The following LRRIQ3 variants were observed in gnomAD, a reference collection of about 807,000 sequenced individuals.
LRRIQ3 encodes the protein leucine rich repeats and IQ motif containing 3.
In LRRIQ3, 75 loss-of-function variants were observed where a neutral mutation model predicts 59.3. The observed-to-expected ratio is 1.26, with a 90% CI of 1.05 to 1.53. The LOEUF (loss-of-function observed/expected upper bound fraction) is 1.53, where lower values mean the gene tolerates loss of function less well. LRRIQ3 is among the 40% of genes most tolerant of loss of function. LRRIQ3 has a pLI of 0.00. For synonymous variants in LRRIQ3, 250 were observed against 231.3 expected (o/e 1.08, Z -0.73); for missense variants, 831 against 710.0 (o/e 1.17, Z -1.94).
intron 3 of LRRIQ3, among the ~76,000 whole-genome samples, chr1:74,168,557 G>A (rs1357045837): frequency 2.0e-5 from 3 of 151,842 alleles, no homozygotes; most frequent in Non-Finnish European, 4.4e-5. Context: ...TCTTATAACT[G>A]GCATATTTAG....
intron 7 of LRRIQ3, among the ~76,000 whole-genome samples, chr1:74,034,640 AC>A (rs1389414850): frequency 7.2e-6 from 1 of 139,554 alleles, no homozygotes; most frequent in Non-Finnish European, 1.5e-5. Context: ...ACACAGACAC[AC>A]ACACACACAC....
At chr1:74,150,646 T>C (rs147444162) in intron 4 of LRRIQ3, among the ~76,000 whole-genome samples, 2 of 152,270 alleles carry the variant, frequency 1.3e-5, no homozygotes, top group African/African-American at 4.8e-5. Flanking sequence ...ACATTAACAT[T>C]ACCTGCAAAA....
chr1:74,049,677 T>C (rs1282372899), intron 6 of LRRIQ3, among the ~76,000 whole-genome samples: 1 of 152,180 alleles, frequency 6.6e-6, no homozygotes, highest in Non-Finnish European at 1.5e-5. Flanking sequence ...TTTTTATATG[T>C]ATTACTGTTT....
At chr1:74,061,952 T>G (rs1258576662) in intron 6 of LRRIQ3, among the ~76,000 whole-genome samples, 1 of 152,128 alleles carries the variant, frequency 6.6e-6, no homozygotes, top group Admixed American at 6.6e-5. Flanking sequence ...CAGGATTCCT[T>G]GAGCCTGGGA....
chr1:74,108,942 G>T (rs771241329), intron 5 of LRRIQ3: 1 of 362,048 alleles, frequency 2.8e-6, no homozygotes, highest in South Asian at 2.2e-5. Flanking sequence ...CTAGCACAGT[G>T]CCTGGGATAT....
intron 4 of LRRIQ3, among the ~76,000 whole-genome samples, chr1:74,154,226 G>A (rs1648167078): frequency 9.4e-6 from 1 of 106,160 alleles, no homozygotes; most frequent in Non-Finnish European, 1.8e-5. Context: ...GGGCGACAGA[G>A]CGAGACTCCT....
chr1:74,154,259 A>C (rs1196663494), intron 4 of LRRIQ3, among the ~76,000 whole-genome samples: 5 of 135,044 alleles, frequency 3.7e-5, no homozygotes, highest in African/African-American at 1.4e-4. Context: ...AAAAAAAAAA[A>C]AAAAAAAAAA....
intron 1 of LRRIQ3, 36 bp from the exon 2 acceptor site, chr1:74,183,720 C>A: frequency 7.2e-7 from 1 of 1,386,600 alleles, no homozygotes; most frequent in Non-Finnish European, 9.4e-7. Context: ...ATTTTTTTTT[C>A]CACTTTCAAA....
chr1:74,054,069 T>A (rs1167777368), intron 6 of LRRIQ3, among the ~76,000 whole-genome samples: 1 of 152,170 alleles, frequency 6.6e-6, no homozygotes, highest in African/African-American at 2.4e-5. Flanking sequence ...AACCTGCACA[T>A]GGATATTTAT....
chr1:74,034,281 C>A (rs920614870), intron 7 of LRRIQ3, among the ~76,000 whole-genome samples: 1 of 151,950 alleles, frequency 6.6e-6, no homozygotes, highest in South Asian at 2.1e-4. Context: ...TATATTGATA[C>A]CTAATCTTTA....
chr1:74,047,614 G>A (rs1241815713), intron 6 of LRRIQ3, among the ~76,000 whole-genome samples: 1 of 151,846 alleles, frequency 6.6e-6, no homozygotes, highest in Non-Finnish European at 1.5e-5. Flanking sequence ...ATAAAAAAGA[G>A]GCCTGATAGA....
intron 4 of LRRIQ3, among the ~76,000 whole-genome samples, chr1:74,141,976 C>T (rs1200938620): frequency 8.8e-6 from 1 of 113,618 alleles, no homozygotes; most frequent in Non-Finnish European, 1.8e-5. Flanking sequence ...AATAATATTC[C>T]ATTTATACAC....
intron 6 of LRRIQ3, among the ~76,000 whole-genome samples, chr1:74,058,974 T>A (rs187067209): frequency 6.6e-6 from 1 of 152,218 alleles, no homozygotes; most frequent in African/African-American, 2.4e-5. Context: ...CCCTTTGCAC[T>A]GTCTGTGTTT....
chr1:74,109,245 C>A, intron 5 of LRRIQ3, 149 bp downstream of exon 5: 1 of 662,410 alleles, frequency 1.5e-6, no homozygotes, highest in Non-Finnish European at 2.6e-6. Flanking sequence ...TACTATATAA[C>A]TTTTTTCAAT....
intron 7 of LRRIQ3, among the ~76,000 whole-genome samples, chr1:74,034,351 C>A (rs1653806533): frequency 6.6e-6 from 1 of 151,968 alleles, no homozygotes; most frequent in Non-Finnish European, 1.5e-5. Context: ...CTCGCATAAC[C>A]AAAACATTGC....
chr1:74,114,838 A>T (rs1012892337), intron 4 of LRRIQ3, among the ~76,000 whole-genome samples: 1 of 152,004 alleles, frequency 6.6e-6, no homozygotes, highest in Non-Finnish European at 1.5e-5. Flanking sequence ...TAACAATAAA[A>T]GCTGTAAAAG....
intron 7 of LRRIQ3, among the ~76,000 whole-genome samples, chr1:74,029,159 A>G (rs940962404): frequency 2.0e-5 from 3 of 152,132 alleles, no homozygotes; most frequent in Non-Finnish European, 2.9e-5. Flanking sequence ...GTCATCTGCA[A>G]ACAGGGACAA....
At chr1:74,118,176 TACAC>T (rs112393915) in intron 4 of LRRIQ3, among the ~76,000 whole-genome samples, 1 of 151,696 alleles carries the variant, frequency 6.6e-6, no homozygotes, top group Non-Finnish European at 1.5e-5. Flanking sequence ...TAAAATTGTA[TACAC>T]ACACACACAC....
chr1:74,173,850 C>T (rs904850997), intron 3 of LRRIQ3, among the ~76,000 whole-genome samples: 1 of 152,008 alleles, frequency 6.6e-6, no homozygotes, highest in Non-Finnish European at 1.5e-5. Flanking sequence ...GTCTTTATCT[C>T]TCTTTTATTT....
Sources: allele counts gnomAD v4.1 joint callset (sites outside exome capture counted in the v4.1 genomes callset), GRCh38; gene constraint gnomAD v4.1.1; transcripts MANE v1.5; gene names NCBI Gene and HGNC (gene_info 2026-07-23, HGNC 2026-07-21).